The following LINGO2 variants were observed in gnomAD, a reference collection of about 807,000 sequenced individuals.
The protein encoded by LINGO2 is leucine-rich repeat and immunoglobulin-like domain-containing nogo receptor-interacting protein 2.
Under a neutral mutation model 30.6 loss-of-function variants are expected in LINGO2, and 14 were observed. The observed-to-expected ratio is 0.46, with a 90% confidence interval of 0.30 to 0.72. The LOEUF (loss-of-function observed/expected upper bound fraction) is 0.72, where lower values mean the gene tolerates loss of function less well. Ranked by LOEUF, LINGO2 falls within the 30% of genes least tolerant of loss-of-function variation. The probability of loss-of-function intolerance (pLI) is 0.07; values close to 1 mark genes in which losing one functional copy is unlikely to be tolerated. For missense variants in LINGO2, 729 were observed against 751.7 expected, an observed-to-expected ratio of 0.97 and a Z score of 0.35; for synonymous variants, 317 against 288.5, an observed-to-expected ratio of 1.10 and a Z score of -1.00.
intron 4 of LINGO2, among the ~76,000 whole-genome samples, chr9:28,205,742 C>T (rs538891845): frequency 1.5e-4 from 23 of 152,208 alleles, no homozygotes; most frequent in African/African-American, 5.1e-4. Flanking sequence ...TATAAAAGCA[C>T]AGATGGTTCA....
At chr9:29,180,728 A>AC in the LINGO2 span, among the ~76,000 whole-genome samples, 1 of 152,204 alleles carries the variant, frequency 6.6e-6, no homozygotes, top group Admixed American at 6.5e-5. Flanking sequence ...GTATCTGAAA[A>AC]CATCTCGTTC....
chr9:28,942,935 G>C, the LINGO2 span, among the ~76,000 whole-genome samples: 1 of 152,162 alleles, frequency 6.6e-6, no homozygotes, highest in Non-Finnish European at 1.5e-5. Flanking sequence ...GGAATTAAGT[G>C]AGATACTGTG....
chr9:28,455,461 C>G (rs991824615), intron 2 of LINGO2, among the ~76,000 whole-genome samples: 1 of 151,974 alleles, frequency 6.6e-6, no homozygotes, highest in Non-Finnish European at 1.5e-5. Context: ...GACAAATCTA[C>G]CCTTTCTCTA....
chr9:28,616,572 C>A (rs372056523), intron 1 of LINGO2, among the ~76,000 whole-genome samples: 34 of 152,320 alleles, frequency 2.2e-4, no homozygotes, highest in Non-Finnish European at 3.5e-4. Flanking sequence ...TGAGGGCACA[C>A]AGAAATGAAG....
At chr9:28,033,328 C>G (rs1563929011) in intron 4 of LINGO2, among the ~76,000 whole-genome samples, 1 of 152,072 alleles carries the variant, frequency 6.6e-6, no homozygotes, top group Non-Finnish European at 1.5e-5. Context: ...GAGTCAGTAC[C>G]CTCCGAAATG....
At chr9:27,959,381 C>T (rs1204221104) in intron 5 of LINGO2, among the ~76,000 whole-genome samples, 1 of 152,104 alleles carries the variant, frequency 6.6e-6, no homozygotes, top group Non-Finnish European at 1.5e-5. Flanking sequence ...TCTTCACTGA[C>T]TTAAGGTATA....
chr9:29,036,473 A>C, the LINGO2 span, among the ~76,000 whole-genome samples: 1 of 152,116 alleles, frequency 6.6e-6, no homozygotes, highest in South Asian at 2.1e-4. Flanking sequence ...TAGACTTCAA[A>C]ATGAAGAATT....
chr9:29,020,097 C>A, the LINGO2 span, among the ~76,000 whole-genome samples: 2 of 152,098 alleles, frequency 1.3e-5, no homozygotes, highest in Admixed American at 1.3e-4. Context: ...AATGGGAGAT[C>A]CAATATAAAA....
the LINGO2 span, among the ~76,000 whole-genome samples, chr9:29,204,258 C>A: frequency 6.6e-6 from 1 of 152,180 alleles, no homozygotes; most frequent in Non-Finnish European, 1.5e-5. Context: ...GCTGAATGCT[C>A]ACTAGGAACC....
chr9:29,067,046 G>A, the LINGO2 span, among the ~76,000 whole-genome samples: 18 of 151,890 alleles, frequency 1.2e-4, no homozygotes, highest in East Asian at 3.5e-3. Context: ...AAAGAATAAG[G>A]TTAACTATAT....
intron 3 of LINGO2, among the ~76,000 whole-genome samples, chr9:28,351,230 C>A: frequency 2.0e-5 from 3 of 146,812 alleles, no homozygotes; most frequent in South Asian, 2.2e-4. Context: ...TTGAAAGGAT[C>A]AACAAAATTG....
chr9:28,032,205 T>G lies in LINGO2; in HGVS notation c.-86-19800A>C, dbSNP rs72724935. On this transcript the variant is annotated intron_variant, in intron 4 of 5. Coordinates refer to ENST00000379992, the Ensembl canonical transcript of LINGO2. ...TCCACACAGGATCTAATTCAAGTCT[T>G]AAAAAAAAAATACAACATGATAAAA... Among the ~76,000 whole-genome samples, 212 of 141,950 alleles carry G rather than the reference T, an allele frequency of 1.5e-3. 2 individuals carry two copies. Among genetic ancestry groups the G allele is most frequent in the African/African-American group, 4.8e-3 (191 of 39,616 alleles). The allele number at this position is 141,950 out of a possible 152,430, so 93.1% of individuals were successfully genotyped here.
At chr9:28,790,884 C>T in the LINGO2 span, among the ~76,000 whole-genome samples, 1 of 152,078 alleles carries the variant, frequency 6.6e-6, no homozygotes, top group Non-Finnish European at 1.5e-5. Context: ...CAGGTACCCA[C>T]TGTGTAAATT....
chr9:28,535,799 T>C (rs184454622), intron 1 of LINGO2, among the ~76,000 whole-genome samples: 14 of 152,130 alleles, frequency 9.2e-5, no homozygotes, highest in African/African-American at 3.1e-4. Flanking sequence ...TCTGCAGGCA[T>C]AGAACAATAG....
At chr9:28,502,165 C>T (rs962285341) in intron 1 of LINGO2, among the ~76,000 whole-genome samples, 9 of 140,296 alleles carry the variant, frequency 6.4e-5, no homozygotes, top group Admixed American at 7.1e-5. Context: ...CACACACATA[C>T]ACACACACAC....
At chr9:28,620,817 G>T (rs769496412) in intron 1 of LINGO2, among the ~76,000 whole-genome samples, 1 of 152,008 alleles carries the variant, frequency 6.6e-6, no homozygotes, top group African/African-American at 2.4e-5. Context: ...CACACACTAG[G>T]ACCTTTCGGA....
At chr9:29,025,740 A>G in the LINGO2 span, among the ~76,000 whole-genome samples, 2 of 152,096 alleles carry the variant, frequency 1.3e-5, no homozygotes, top group Admixed American at 6.6e-5. Context: ...TGTGTAACAG[A>G]TCTCTTAAAC....
At chr9:27,997,592 T>C (rs1204343798) in intron 5 of LINGO2, among the ~76,000 whole-genome samples, 1 of 152,248 alleles carries the variant, frequency 6.6e-6, no homozygotes, top group African/African-American at 2.4e-5. Flanking sequence ...AATTGAATAC[T>C]TGCAGCTAAT....
chr9:28,431,276 T>C (rs1440782122), intron 2 of LINGO2, among the ~76,000 whole-genome samples: 1 of 152,124 alleles, frequency 6.6e-6, no homozygotes, highest in Non-Finnish European at 1.5e-5. Context: ...ATCCAGTATC[T>C]TCCTAACTAG....
Sources: allele counts gnomAD v4.1 joint callset (sites outside exome capture counted in the v4.1 genomes callset), GRCh38; gene constraint gnomAD v4.1.1; transcripts MANE v1.5; gene names NCBI Gene and HGNC (gene_info 2026-07-23, HGNC 2026-07-21).